The following ANKRD33B variants were observed in gnomAD, a reference collection of about 807,000 sequenced individuals.
The protein encoded by ANKRD33B is ankyrin repeat domain-containing protein 33B.
Under a neutral mutation model 21.5 loss-of-function variants are expected in ANKRD33B, and 6 were observed. That is an observed-to-expected ratio of 0.28 (90% CI 0.15 to 0.55). The LOEUF (loss-of-function observed/expected upper bound fraction) is 0.55, where lower values mean the gene tolerates loss of function less well. Among genes scored for constraint, ANKRD33B ranks in the 20% least tolerant of loss-of-function variants. The pLI is 0.94. For missense variants in ANKRD33B, 698 were observed against 747.2 expected (o/e 0.93, Z 0.77); for synonymous variants, 347 against 342.4 (o/e 1.01, Z -0.15).
At chr5:10,637,310 A>G (rs369804201) in intron 2 of ANKRD33B, among the ~76,000 whole-genome samples, 2 of 152,084 alleles carry the variant, frequency 1.3e-5, no homozygotes, top group East Asian at 3.9e-4. Context: ...TGGAGGTGCA[A>G]GGTGAGAAAG....
At position 10,651,510 on chromosome 5, in the gene ANKRD33B, G is replaced by T. The variant is rs559130038; in HGVS notation, c.*1397G>T. ...TATCAGATTTGCAGCATTCTAATTC[G>T]GCAGGGCAGGGTATGAAAGCTGGAA... is the stretch of plus-strand genomic sequence containing the variant. On this transcript the variant is annotated 3_prime_UTR_variant, in exon 4 of 4. Transcript: ENST00000296657. 2 of 152,364 alleles carry T rather than the reference G, an allele frequency of 1.3e-5. No homozygotes were observed. Among genetic ancestry groups the T allele is most frequent in the Non-Finnish European group, 2.9e-5 (2 of 68,012 alleles). 9.4% of individuals were successfully genotyped at this position (152,364 alleles called of 1,614,324 possible).
rs1579704042 is a variant in ANKRD33B, at chr5:10,564,950, C to A, written c.366+117C>A. The A allele has an allele frequency of 1.2e-5, 16 of 1,349,906 alleles. No individual in the cohort carries two copies. The East Asian group carries it at 4.1e-4, about 35-fold the overall frequency. 83.6% of individuals were successfully genotyped at this position (1,349,906 alleles called of 1,614,324 possible). A position where few individuals can be genotyped will look rare whatever the true frequency, so the allele number is the denominator to read the frequency against. ...CGGACCGGTCCCTCGGTCACTCAGC[C>A]GCCGCCCAGAGCGCCTTTTCCCCGC... On this transcript the variant is annotated intron_variant, in intron 1 of 3. Coordinates refer to ENST00000296657, the MANE Select transcript of ANKRD33B (RefSeq NM_001164440.2).
At position 10,620,577 on chromosome 5, in the gene ANKRD33B, C is replaced by T. The variant is rs138546097; in HGVS notation, c.496+2115C>T. On this transcript the variant is annotated intron_variant, in intron 2 of 3. Transcript: ENST00000296657. ...TACTGATCTGCCAGAGCTCTTTGTG[C>T]GTTAGAGATAATAGCTGTGCTTTGA... 1.1e-4 allele frequency among the ~76,000 whole-genome samples: 16 copies of T among 152,276 alleles called. No individual in the cohort carries two copies. The East Asian group carries it at 2.7e-3, about 26-fold the overall frequency.
intron 2 of ANKRD33B, among the ~76,000 whole-genome samples, chr5:10,621,152 C>T (rs569640912): frequency 2.6e-5 from 4 of 152,254 alleles, no homozygotes; most frequent in Non-Finnish European, 4.4e-5. Flanking sequence ...ATATTTCTGT[C>T]AGTTTTGAGT....
At chr5:10,600,737 C>G (rs1270442146) in intron 1 of ANKRD33B, among the ~76,000 whole-genome samples, 1 of 152,106 alleles carries the variant, frequency 6.6e-6, no homozygotes, top group African/African-American at 2.4e-5. Flanking sequence ...TAGAAACTGC[C>G]AGTTTCCCAG....
chr5:10,657,357 A>G lies in ANKRD33B; in HGVS notation c.*7244A>G, dbSNP rs1013651892. On this transcript the variant is annotated 3_prime_UTR_variant, in exon 4 of 4. Coordinates refer to ENST00000296657, the MANE Select transcript of ANKRD33B (RefSeq NM_001164440.2). ...TATGACCGTTCTAAGGATTGAACAGATTCCTGCACAGGGTGCCAGGTTTCA... is the reference window on the plus strand; with the variant it reads ...TATGACCGTTCTAAGGATTGAACAGGTTCCTGCACAGGGTGCCAGGTTTCA... The G allele has an allele frequency of 6.6e-6, 1 of 152,382 alleles. No individual in the cohort carries two copies. Among genetic ancestry groups the G allele is most frequent in the Non-Finnish European group, 1.5e-5 (1 of 68,044 alleles). 9.4% of individuals were successfully genotyped at this position (152,382 alleles called of 1,614,324 possible).
At chr5:10,620,721 T>A (rs972519242) in intron 2 of ANKRD33B, among the ~76,000 whole-genome samples, 16 of 152,228 alleles carry the variant, frequency 1.1e-4, no homozygotes, top group African/African-American at 3.6e-4. Flanking sequence ...GAATATGGCA[T>A]TGGCCATGAT....
rs1579703712 is a variant in ANKRD33B at position 10,564,577 on chromosome 5, A to G, written c.110A>G (p.Tyr37Cys). ...GAQVEEDPAD[Y>C]EEFEDFSSLP... is the part of the protein sequence containing the mutation. ...CAGGTCGAGGAGGACCCCGCTGACT[A>G]CGAAGAGTTTGAGGACTTCTCGAGT... is the stretch of plus-strand genomic sequence containing the variant. Residue 37 changes from tyrosine to cysteine, a missense_variant, in exon 1 of 4, where the codon TAC becomes TGC. Coordinates refer to ENST00000296657, the MANE Select transcript of ANKRD33B (RefSeq NM_001164440.2). 2 of 1,534,358 alleles carry G rather than the reference A, an allele frequency of 1.3e-6. No individual in the cohort carries two copies. The highest frequency in any genetic ancestry group is 8.7e-7 in the Non-Finnish European group (1 of 1,146,512).
At chr5:10,568,315 ATTCTTT>A (rs1172150444) in intron 1 of ANKRD33B, among the ~76,000 whole-genome samples, 1 of 152,192 alleles carries the variant, frequency 6.6e-6, no homozygotes, top group Non-Finnish European at 1.5e-5. Flanking sequence ...AGCTGCCATA[ATTCTTT>A]TTCTTAATTC....
In ANKRD33B at chr5:10,651,198, C is replaced by T. The variant is rs892363447; in HGVS notation, c.*1085C>T. On this transcript the variant is annotated 3_prime_UTR_variant, in exon 4 of 4. Coordinates refer to ENST00000296657, the MANE Select transcript of ANKRD33B (RefSeq NM_001164440.2). ...GGAGTAGACTGGGCAGCCCCCTCCT[C>T]CAGGCTCAGTTCCAAAGAGTCCGTT... 1 of 152,342 alleles carries T rather than the reference C, an allele frequency of 6.6e-6. No homozygotes were observed. Among genetic ancestry groups the T allele is most frequent in the Non-Finnish European group, 1.5e-5 (1 of 68,046 alleles). The allele number at this position is 152,342 out of a possible 1,614,324, so 9.4% of individuals were successfully genotyped here. A position where few individuals can be genotyped will look rare whatever the true frequency, so the allele number is the denominator to read the frequency against.
intron 2 of ANKRD33B, chr5:10,627,944 G>A (rs1736615055): frequency 6.6e-6 from 1 of 152,238 alleles, no homozygotes; most frequent in Non-Finnish European, 1.5e-5. Flanking sequence ...GCCCTGCAAA[G>A]AGCAGGGATG....
intron 2 of ANKRD33B, 45 bp downstream of exon 2, chr5:10,618,507 C>A: frequency 6.8e-7 from 1 of 1,481,054 alleles, no homozygotes; most frequent in Non-Finnish European, 9.0e-7. Context: ...GTGGCCAGAG[C>A]ACCGCCGCCG....
intron 1 of ANKRD33B, among the ~76,000 whole-genome samples, chr5:10,602,820 T>G (rs1735961319): frequency 6.6e-6 from 1 of 151,812 alleles, no homozygotes; most frequent in Non-Finnish European, 1.5e-5. Context: ...TTGTCATTTT[T>G]TTTTTTTTTT....
intron 1 of ANKRD33B, among the ~76,000 whole-genome samples, chr5:10,577,138 T>G (rs1392751041): frequency 6.6e-6 from 1 of 151,904 alleles, no homozygotes; most frequent in Non-Finnish European, 1.5e-5. Flanking sequence ...CCCTTTTCTT[T>G]TCTTCTTTGA....
intron 2 of ANKRD33B, among the ~76,000 whole-genome samples, chr5:10,629,357 CAA>C (rs1736652205): frequency 6.6e-6 from 1 of 152,102 alleles, no homozygotes; most frequent in South Asian, 2.1e-4. Flanking sequence ...TTCCCGTGCT[CAA>C]GTGATGTCAG....
chr5:10,565,987 T>C (rs1735044220), intron 1 of ANKRD33B, among the ~76,000 whole-genome samples: 1 of 152,198 alleles, frequency 6.6e-6, no homozygotes, highest in Non-Finnish European at 1.5e-5. Context: ...CTGACTGTGG[T>C]TTGGGCTGGG....
intron 1 of ANKRD33B, among the ~76,000 whole-genome samples, chr5:10,588,236 G>A (rs1014724566): frequency 3.3e-5 from 5 of 152,200 alleles, no homozygotes; most frequent in African/African-American, 7.2e-5. Flanking sequence ...TAACTTTAGC[G>A]ACATTTAATA....
chr5:10,566,941 G>C (rs1318979062), intron 1 of ANKRD33B, among the ~76,000 whole-genome samples: 1 of 152,220 alleles, frequency 6.6e-6, no homozygotes, highest in Non-Finnish European at 1.5e-5. Context: ...CTCTTGGCTT[G>C]GAAGAGAGCA....
chr5:10,579,374 C>A (rs1381418043), intron 1 of ANKRD33B, among the ~76,000 whole-genome samples: 6 of 148,178 alleles, frequency 4.0e-5, no homozygotes, highest in Admixed American at 1.3e-4. Flanking sequence ...TTTGGAAAAA[C>A]CATTTGGAAA....
Sources: allele counts gnomAD v4.1 joint callset (sites outside exome capture counted in the v4.1 genomes callset), GRCh38; gene constraint gnomAD v4.1.1; transcripts MANE v1.5; gene names NCBI Gene and HGNC (gene_info 2026-07-23, HGNC 2026-07-21).